The following PYGO1 variants were observed in gnomAD, a reference collection of about 807,000 sequenced individuals.
The protein encoded by PYGO1 is pygopus homolog 1.
PYGO1 carries 6 observed loss-of-function variants against 29.5 expected under a neutral mutation model. The observed-to-expected ratio is 0.20, with a 90% CI of 0.11 to 0.40. The LOEUF (loss-of-function observed/expected upper bound fraction) is 0.40. Among genes scored for constraint, PYGO1 ranks in the 10% least tolerant of loss-of-function variants. The pLI is 1.00. For missense variants in PYGO1, 515 were observed against 514.9 expected, an observed-to-expected ratio of 1.00 and a Z score of 0.00; for synonymous variants, 186 against 180.5, an observed-to-expected ratio of 1.03 and a Z score of -0.24.
chr15:55,568,306 G>A (rs180672648), intron 1 of PYGO1, among the ~76,000 whole-genome samples: 35 of 141,084 alleles, frequency 2.5e-4, no homozygotes, highest in African/African-American at 8.5e-4. Context: ...TGGTTAAGAC[G>A]TATTTCCTAG....
At chr15:55,588,796 G>T (rs965053300), upstream of PYGO1, 5 of 1,613,586 alleles carry the variant, frequency 3.1e-6, no homozygotes, top group East Asian at 1.1e-4. Flanking sequence ...TCGGAAAGAT[G>T]AACGTACCAT....
At chr15:55,576,772 G>T (rs1303371179) in intron 1 of PYGO1, among the ~76,000 whole-genome samples, 4 of 23,228 alleles carry the variant, frequency 1.7e-4, no homozygotes, top group Non-Finnish European at 5.2e-4. Context: ...AAAAAAAGAA[G>T]TGGGGGAAAA....
intron 1 of PYGO1, among the ~76,000 whole-genome samples, chr15:55,582,224 A>AAAT (rs1483660086): frequency 6.6e-6 from 1 of 151,258 alleles, no homozygotes; most frequent in Non-Finnish European, 1.5e-5. Context: ...AAAAAAAAAA[A>AAAT]ATTAAGGAGA....
chr15:55,539,275 G>A lies in PYGO1; in HGVS notation c.*6748C>T, dbSNP rs931460972. The A allele has an allele frequency of 3.3e-5, 5 of 152,020 alleles. No individual in the cohort carries two copies. Among genetic ancestry groups the A allele is most frequent in the African/African-American group, 1.2e-4 (5 of 41,394 alleles). The allele number at this position is 152,020 out of a possible 1,614,324, so 9.4% of individuals were successfully genotyped here. On this transcript the variant is annotated 3_prime_UTR_variant, in exon 3 of 3. Coordinates refer to ENST00000563719, the MANE Select transcript of PYGO1 (RefSeq NM_001367806.1). Reference sequence around the variant, plus strand: ...TATCTCAAAAAGAAAAAGGAGAATTGGCTTACCATTATTTAAGTAGTTACT... The same window carrying A: ...TATCTCAAAAAGAAAAAGGAGAATTAGCTTACCATTATTTAAGTAGTTACT...
rs1480172008 is a variant in PYGO1 at position 55,588,071 on chromosome 15, G to A, written c.-188C>T. Reference sequence around the variant, plus strand: ...TTTGGGAGGAGGACGAGGCCTCGGGGCGGCGGGGCGGCGGGGCGGCGTGCG... The same window carrying A: ...TTTGGGAGGAGGACGAGGCCTCGGGACGGCGGGGCGGCGGGGCGGCGTGCG... On this transcript the variant is annotated 5_prime_UTR_variant, in exon 1 of 3. Coordinates refer to ENST00000563719, the MANE Select transcript of PYGO1 (RefSeq NM_001367806.1). 1 of 1,068,916 alleles carries A rather than the reference G, an allele frequency of 9.4e-7. No homozygotes were observed. The allele number at this position is 1,068,916 out of a possible 1,614,324, so 66.2% of individuals were successfully genotyped here.
chr15:55,576,933 A>G (rs1278834015), intron 1 of PYGO1, among the ~76,000 whole-genome samples: 1 of 151,908 alleles, frequency 6.6e-6, no homozygotes, highest in Admixed American at 6.6e-5. Flanking sequence ...GCCAAGGGAA[A>G]GGTCAAGCTG....
intron 1 of PYGO1, among the ~76,000 whole-genome samples, chr15:55,587,489 G>A (rs549281814): frequency 1.3e-5 from 2 of 152,068 alleles, no homozygotes; most frequent in South Asian, 2.1e-4. Context: ...CACCGTTCGA[G>A]GTCTCTGCCA....
chr15:55,547,182 C>T (rs1401268750), intron 2 of PYGO1, 35 bp from the exon 3 acceptor site: 17 of 1,497,716 alleles, frequency 1.1e-5, no homozygotes, highest in South Asian at 2.6e-5. Context: ...TACATGTTTT[C>T]GATCAAATAC....
At chr15:55,583,706 A>T (rs577280420) in intron 1 of PYGO1, among the ~76,000 whole-genome samples, 1 of 152,034 alleles carries the variant, frequency 6.6e-6, no homozygotes, top group Non-Finnish European at 1.5e-5. Flanking sequence ...TGGGTTCTCC[A>T]TATGTTGCCC....
At chr15:55,568,196 T>A (rs1244128059) in intron 1 of PYGO1, among the ~76,000 whole-genome samples, 3 of 152,174 alleles carry the variant, frequency 2.0e-5, no homozygotes, top group African/African-American at 4.8e-5. Context: ...ATTGATTCCT[T>A]CAATTCATGA....
At position 55,543,977 on chromosome 15, in the gene PYGO1, A is replaced by T. The variant is rs2058838831; in HGVS notation, c.*2046T>A. On this transcript the variant is annotated 3_prime_UTR_variant, in exon 3 of 3. Coordinates refer to ENST00000563719, the MANE Select transcript of PYGO1 (RefSeq NM_001367806.1). ...TACTGAACACCATCAAATGCCTGTC[A>T]GCCCAAAATACTGCATTTTAACCTG... 1 of 152,214 alleles carries T rather than the reference A, an allele frequency of 6.6e-6. No homozygotes were observed. The highest frequency in any genetic ancestry group is 1.5e-5 in the Non-Finnish European group (1 of 68,016). The allele number at this position is 152,214 out of a possible 1,614,324, so 9.4% of individuals were successfully genotyped here. A position where few individuals can be genotyped will look rare whatever the true frequency, so the allele number is the denominator to read the frequency against.
intron 1 of PYGO1, among the ~76,000 whole-genome samples, chr15:55,558,429 AT>A (rs2058917083): frequency 6.6e-6 from 1 of 152,172 alleles, no homozygotes; most frequent in Non-Finnish European, 1.5e-5. Flanking sequence ...GCCCAAGGTA[AT>A]TTATAGATTC....
intron 1 of PYGO1, among the ~76,000 whole-genome samples, chr15:55,550,868 C>A (rs1000936125): frequency 6.6e-6 from 1 of 152,096 alleles, no homozygotes; most frequent in Non-Finnish European, 1.5e-5. Context: ...GGGTCTAGAC[C>A]AGTGATCCCC....
At chr15:55,565,463 G>A (rs1348339557) in intron 1 of PYGO1, among the ~76,000 whole-genome samples, 1 of 152,124 alleles carries the variant, frequency 6.6e-6, no homozygotes, top group East Asian at 1.9e-4. Flanking sequence ...TAGCACTTTG[G>A]AAGGCAGAGG....
At chr15:55,570,440 T>A (rs2058975572) in intron 1 of PYGO1, among the ~76,000 whole-genome samples, 1 of 152,144 alleles carries the variant, frequency 6.6e-6, no homozygotes, top group African/African-American at 2.4e-5. Flanking sequence ...CATGTTGGAA[T>A]CACTTGGGAG....
chr15:55,585,857 CAG>C (rs2059044105), intron 1 of PYGO1, among the ~76,000 whole-genome samples: 1 of 152,148 alleles, frequency 6.6e-6, no homozygotes, highest in South Asian at 2.1e-4. Flanking sequence ...GCACAAATAT[CAG>C]GGGAATAATT....
intron 1 of PYGO1, among the ~76,000 whole-genome samples, chr15:55,575,353 T>C (rs2058996968): frequency 1.3e-5 from 2 of 152,210 alleles, no homozygotes; most frequent in Non-Finnish European, 2.9e-5. Context: ...AGTAGCAATG[T>C]ACAATTCTCT....
rs191978210 is a variant in PYGO1 at position 55,580,769 on chromosome 15, T to C, written c.49+7066A>G. 1.2e-3 allele frequency among the ~76,000 whole-genome samples: 185 copies of C among 152,350 alleles called. 1 individual carries two copies. Among genetic ancestry groups the C allele is most frequent in the African/African-American group, 4.2e-3 (175 of 41,586 alleles). On this transcript the variant is annotated intron_variant, in intron 1 of 2. Transcript: ENST00000563719. ...TAAAAAAGCAGATCTGAAATCATTCTTGACCATACTTTAAGGCTAATTTTG... is the reference window on the plus strand; with the variant it reads ...TAAAAAAGCAGATCTGAAATCATTCCTGACCATACTTTAAGGCTAATTTTG...
intron 1 of PYGO1, among the ~76,000 whole-genome samples, chr15:55,568,060 CTCT>C (rs1453586204): frequency 1.4e-4 from 22 of 152,030 alleles, no homozygotes; most frequent in Non-Finnish European, 2.5e-4. Flanking sequence ...GCTATTTGGG[CTCT>C]TTTTTGGTTC....
Sources: gnomAD v4.1 joint callset for allele counts (sites outside exome capture counted in the v4.1 genomes callset) on GRCh38, gnomAD v4.1.1 for gene constraint, MANE v1.5 for transcripts, NCBI Gene and HGNC (gene_info 2026-07-23, HGNC 2026-07-21) for gene names.